Variants in ZNF768 observed in about 807,000 individuals in gnomAD.
ZNF768 encodes zinc finger protein 768.
ZNF768 carries 12 observed loss-of-function variants against 39.7 expected under a neutral mutation model. The ratio of observed to expected loss-of-function variants is 0.30; its 90% CI spans 0.19 to 0.49. The LOEUF is 0.49. Among genes scored for constraint, ZNF768 ranks in the 20% least tolerant of loss-of-function variants. ZNF768 has a pLI of 0.99. For missense variants in ZNF768, 613 were observed against 723.2 expected (o/e 0.85, Z 1.75); for synonymous variants, 360 against 288.4 (o/e 1.25, Z -2.52).
upstream of ZNF768, among the ~76,000 whole-genome samples, chr16:30,529,927 G>A (rs1365811699): frequency 6.6e-6 from 1 of 150,958 alleles, no homozygotes; most frequent in Non-Finnish European, 1.5e-5. Flanking sequence ...GAGTTCAAGC[G>A]ATTCTCCTGC....
upstream of ZNF768, chr16:30,526,763 C>T (rs2051331329): frequency 2.2e-5 from 4 of 184,174 alleles, no homozygotes; most frequent in Admixed American, 3.3e-4. Context: ...CGGCCCCGGG[C>T]TGGGCTGCAC....
Position 30,524,920 on chromosome 16 carries a change from C to T in ZNF768, c.1220G>A (p.Gly407Asp), listed in dbSNP as rs751053913. ...GGCCGACCGCTGGGAGAAGCTCTTG[C>T]CGCAGATGCCACAGCTGAAGGGCCT... ...GQRPFSCGICGKSFSQRSALI... is the reference protein window; with the variant it reads ...GQRPFSCGICDKSFSQRSALI... The change falls in exon 2 of 2, where the codon GGC becomes GAC. Residue 407 changes from glycine to aspartate, a missense_variant. Physicochemically the swap from Gly to Asp is moderately conservative, Grantham distance 94. Coordinates refer to ENST00000380412, the MANE Select transcript of ZNF768 (RefSeq NM_024671.4). 6.2e-7 allele frequency: 1 copy of T among 1,613,364 alleles called. No homozygotes were observed. Among genetic ancestry groups the T allele is most frequent in the South Asian group, 1.1e-5 (1 of 91,084 alleles).
rs1475861033 is a variant in ZNF768 at position 30,525,319 on chromosome 16, G to C, written c.821C>G (p.Ser274Cys). ...GICGKSFGRGSTLIQHQRIHT... is the reference protein window; with the variant it reads ...GICGKSFGRGCTLIQHQRIHT... Reference sequence around the variant, plus strand: ...GATGCGCTGGTGCTGGATCAGGGTGGAGCCCCGCCCGAAGCTCTTCCCGCA... The same window carrying C: ...GATGCGCTGGTGCTGGATCAGGGTGCAGCCCCGCCCGAAGCTCTTCCCGCA... Residue 274 changes from serine (S) to cysteine (C), a missense_variant, in exon 2 of 2, where the codon TCC becomes TGC. Ser to Cys is a moderately radical substitution (Grantham distance 112). Coordinates refer to ENST00000380412, the MANE Select transcript of ZNF768 (RefSeq NM_024671.4). The C allele has an allele frequency of 6.2e-7, 1 of 1,614,074 alleles. No homozygotes were observed. Among genetic ancestry groups the C allele is most frequent in the Non-Finnish European group, 8.5e-7 (1 of 1,180,032 alleles).
chr16:30,527,431 G>A (rs970636300), upstream of ZNF768: 3 of 625,226 alleles, frequency 4.8e-6, no homozygotes, highest in Non-Finnish European at 6.0e-6. Context: ...GCGGTTGGCC[G>A]ATGGGGCTCG....
chr16:30,529,561 T>C (rs979385081), upstream of ZNF768, among the ~76,000 whole-genome samples: 36 of 152,182 alleles, frequency 2.4e-4, no homozygotes, highest in Admixed American at 3.9e-4. Context: ...CCCCAGTGTA[T>C]TGAACATGAT....
rs1367027969 is a variant in ZNF768 at position 30,525,840 on chromosome 16, A to G, written c.300T>C (p.Phe100=). 1 of 1,530,680 alleles carries G rather than the reference A, an allele frequency of 6.5e-7. No homozygotes were observed. The highest frequency in any genetic ancestry group is 8.7e-7 in the Non-Finnish European group (1 of 1,144,186). The allele number at this position is 1,530,680 out of a possible 1,614,324, so 94.8% of individuals were successfully genotyped here. Residue 100 remains phenylalanine, a synonymous_variant, in exon 2 of 2, where the codon TTT becomes TTC. Transcript: ENST00000380412. The part of the protein sequence containing the change: ...SPGLVPPSPE[F]APRSPESDSQ... ...AATCTGATTCAGGGCTTCTGGGTGC[A>G]AACTCAGGGCTTGGGGGCACAAGCC... is the stretch of plus-strand genomic sequence containing the variant.
chr16:30,527,857 A>C (rs2051342374), upstream of ZNF768: 1 of 152,182 alleles, frequency 6.6e-6, no homozygotes, highest in African/African-American at 2.4e-5. Flanking sequence ...ACAAAGGAGA[A>C]TTGGACTGAG....
At position 30,524,884 on chromosome 16, in the gene ZNF768, TG is replaced by T; in HGVS notation, c.1255del (p.His419MetfsTer142). 1 of 1,612,048 alleles carries T rather than the reference TG, an allele frequency of 6.2e-7. No homozygotes were observed. The highest frequency in any genetic ancestry group is 8.5e-7 in the Non-Finnish European group (1 of 1,179,796). On this transcript the variant is annotated frameshift_variant, in exon 2 of 2. Transcript: ENST00000380412. LOFTEE classifies it high-confidence loss of function. ...CTTCTCCCGGGCGTGGCTGCGGGCA[TG>T]GGGGATAAGGGCCGACCGCTGGGAG... ...SFSQRSALIP[H>X]ARSHAREKPF...
chr16:30,531,003 C>T (rs2051366341), upstream of ZNF768: 1 of 152,286 alleles, frequency 6.6e-6, no homozygotes, highest in Non-Finnish European at 1.5e-5. Context: ...GGCTACAAAT[C>T]TAACACCAGG....
At position 30,525,413 on chromosome 16, in the gene ZNF768, G is replaced by T. The variant is rs1728501648; in HGVS notation, c.727C>A (p.Arg243=). 1 of 1,614,116 alleles carries T rather than the reference G, an allele frequency of 6.2e-7. No homozygotes were observed. The stretch of plus-strand genomic sequence containing the variant: ...CGGCCACCCCGCCGACCTGGACCTC[G>T]AAGGGCTCCTGTGAGACCCAGGGGA... The part of the protein sequence containing the change: ...QNPLGLTGAL[R]GPGRRGGRAR... Residue 243 remains arginine, a synonymous_variant, in exon 2 of 2, where the codon CGA becomes AGA. Transcript: ENST00000380412.
At position 30,525,202 on chromosome 16, in the gene ZNF768, C is replaced by T. The variant is rs1326977832; in HGVS notation, c.938G>A (p.Gly313Asp). The change falls in exon 2 of 2, where the codon GGC becomes GAC. Residue 313 changes from glycine to aspartate, a missense_variant. This residue lies in a region of ZNF768 where 22 missense variants were observed against 63.4 expected (regional missense o/e 0.35). Coordinates refer to ENST00000380412, the MANE Select transcript of ZNF768 (RefSeq NM_024671.4). ...ACGGGGACATTTGTAGGGCCGCTCG[C>T]CAGTGTGGGTGCGCTGGTGTTTGAT... Reference protein sequence around the residue: ...DLIKHQRTHTGERPYKCPRCG... With the variant: ...DLIKHQRTHTDERPYKCPRCG... 2 of 1,613,450 alleles carry T rather than the reference C, an allele frequency of 1.2e-6. No individual in the cohort carries two copies. The highest frequency in any genetic ancestry group is 1.7e-6 in the Non-Finnish European group (2 of 1,179,850).
rs1048198141 is a variant in ZNF768, at chr16:30,524,218, C to T, written c.*299G>A. ...TAATTAGGTAATCCCCTGCCCTCCC[C>T]CCTCCCTGCTCTAGCAGTTGCCAAG... is the stretch of plus-strand genomic sequence containing the variant. On this transcript the variant is annotated 3_prime_UTR_variant, in exon 2 of 2. Transcript: ENST00000380412. 2 of 311,586 alleles carry T rather than the reference C, an allele frequency of 6.4e-6. No individual in the cohort carries two copies. The highest frequency in any genetic ancestry group is 7.0e-5 in the East Asian group (1 of 14,240). The allele number at this position is 311,586 out of a possible 1,614,324, so 19.3% of individuals were successfully genotyped here.
chr16:30,529,984 A>C (rs568825195), upstream of ZNF768, among the ~76,000 whole-genome samples: 5 of 151,984 alleles, frequency 3.3e-5, no homozygotes, highest in Non-Finnish European at 7.4e-5. Context: ...CCACCATGTC[A>C]GGCTAATTTT....
At position 30,524,988 on chromosome 16, in the gene ZNF768, C is replaced by T. The variant is rs1388986609; in HGVS notation, c.1152G>A (p.Gln384=). 2.5e-6 allele frequency: 4 copies of T among 1,611,402 alleles called. No individual in the cohort carries two copies. The Admixed American group carries it at 6.7e-5, about 27-fold the overall frequency. ...TCTGATGGCTGCGCAGGGACGAGTT[C>T]TGGCTATAGCACTTGCCGCACTCGG... ...SCTECGKCYS[Q]NSSLRSHQRV... Residue 384 remains glutamine (Q), a synonymous_variant, in exon 2 of 2, where the codon CAG becomes CAA. Coordinates refer to ENST00000380412, the MANE Select transcript of ZNF768 (RefSeq NM_024671.4).
At position 30,524,577 on chromosome 16, in the gene ZNF768, G is replaced by A. The variant is rs745567954; in HGVS notation, c.1563C>T (p.Ala521=). 2 of 1,612,546 alleles carry A rather than the reference G, an allele frequency of 1.2e-6. No homozygotes were observed. Among genetic ancestry groups the A allele is most frequent in the African/African-American group, 1.3e-5 (1 of 75,034 alleles). ...GGATGAGGTCGGAGCTCTGGGAGAA[G>A]GCCTTTCCGCAGTCATCGCACTTGT... ...RPYKCDDCGK[A]FSQSSDLIRH... Residue 521 remains alanine (A), a synonymous_variant, in exon 2 of 2, where the codon GCC becomes GCT. Coordinates refer to ENST00000380412, the MANE Select transcript of ZNF768 (RefSeq NM_024671.4).
In ZNF768 at chr16:30,526,000, C is replaced by T. The variant is rs751200755; in HGVS notation, c.140G>A (p.Gly47Glu). 7 of 1,499,294 alleles carry T rather than the reference C, an allele frequency of 4.7e-6. No homozygotes were observed. Among genetic ancestry groups the T allele is most frequent in the East Asian group, 4.7e-5 (2 of 42,264 alleles). The allele number at this position is 1,499,294 out of a possible 1,614,324, so 92.9% of individuals were successfully genotyped here. The change falls in exon 2 of 2, where the codon GGG becomes GAG. Residue 47 changes from glycine to glutamate, a missense_variant. By Grantham distance (98) the Gly-to-Glu change is moderately conservative. Transcript: ENST00000380412. Reference sequence around the variant, plus strand: ...TGGTATCTCTTCGACTTCATAGTCCCCACTGCCTTCTTGCTGAGAAATTTC... The same window carrying T: ...TGGTATCTCTTCGACTTCATAGTCCTCACTGCCTTCTTGCTGAGAAATTTC... ...EEEISQQEGS[G>E]DYEVEEIPFG...
chr16:30,527,092 G>C (rs1047319266), upstream of ZNF768: 12 of 985,244 alleles, frequency 1.2e-5, no homozygotes, highest in Non-Finnish European at 7.2e-6. Flanking sequence ...CGAGACCAAG[G>C]TCAGCGAGAA....
intron 1 of ZNF768, 107 bp from the exon 2 acceptor site, chr16:30,526,158 G>C (rs1442795460): frequency 6.7e-7 from 1 of 1,500,402 alleles, no homozygotes; most frequent in African/African-American, 1.4e-5. Context: ...CCCTAGACAA[G>C]TGCTGAAATT....
In ZNF768 at chr16:30,524,251, C is replaced by A. The variant is rs1597117101; in HGVS notation, c.*266G>T. 1 of 467,954 alleles carries A rather than the reference C, an allele frequency of 2.1e-6. No individual in the cohort carries two copies. The highest frequency in any genetic ancestry group is 3.5e-5 in the South Asian group (1 of 28,174). 29.0% of individuals were successfully genotyped at this position (467,954 alleles called of 1,614,324 possible). A position where few individuals can be genotyped will look rare whatever the true frequency, so the allele number is the denominator to read the frequency against. On this transcript the variant is annotated 3_prime_UTR_variant, in exon 2 of 2. Transcript: ENST00000380412. ...GCTCTAGCAGTTGCCAAGCCAGGCA[C>A]CCACCAAGGAGCCGCGGCTGAGGCC...
Sources: allele counts gnomAD v4.1 joint callset (sites outside exome capture counted in the v4.1 genomes callset), GRCh38; gene constraint gnomAD v4.1.1; regional missense constraint gnomAD v4.1.1; transcripts MANE v1.5; gene names NCBI Gene and HGNC (gene_info 2026-07-23, HGNC 2026-07-21).